Variants in SLC25A13 observed in about 807,000 individuals in gnomAD.
SLC25A13 encodes the protein electrogenic aspartate/glutamate antiporter SLC25A13, mitochondrial.
A neutral mutation model predicts 85.5 loss-of-function variants in SLC25A13; 70 were observed. The ratio of observed to expected loss-of-function variants is 0.82; its 90% CI spans 0.68 to 1.00. SLC25A13 has a LOEUF of 1.00. Ranked by LOEUF, SLC25A13 falls within the 50% of genes least tolerant of loss-of-function variation. The pLI, the probability that SLC25A13 is intolerant of heterozygous loss-of-function variation, is 0.00. For missense variants in SLC25A13, 765 were observed against 819.8 expected (o/e 0.93, Z 0.82); for synonymous variants, 259 against 288.7 (o/e 0.90, Z 1.04).
intron 13 of SLC25A13, among the ~76,000 whole-genome samples, chr7:96,168,642 T>C (rs1351831563): frequency 1.3e-5 from 2 of 152,228 alleles, no homozygotes; most frequent in Admixed American, 6.5e-5. Flanking sequence ...GCCATGATGA[T>C]TGCCAACATC....
In SLC25A13 at chr7:96,191,226, G is replaced by A; in HGVS notation, c.637C>T (p.His213Tyr). ...LVAAAGGTTSHQVSFSYFNGF... is the reference protein window; with the variant it reads ...LVAAAGGTTSYQVSFSYFNGF... ...TTAAAATAGGAGAAACTAACTTGAT[G>A]GGATGTGGTACCTCCAGCAGCCTCA... Residue 213 changes from histidine (H) to tyrosine (Y), a missense_variant, in exon 7 of 18, where the codon CAT becomes TAT. Coordinates refer to ENST00000265631, the MANE Select transcript of SLC25A13 (RefSeq NM_014251.3). The A allele has an allele frequency of 2.5e-6, 4 of 1,613,926 alleles. No homozygotes were observed. Among genetic ancestry groups the A allele is most frequent in the Non-Finnish European group, 3.4e-6 (4 of 1,179,960 alleles).
chr7:96,271,241 C>T (rs550218459), intron 3 of SLC25A13, among the ~76,000 whole-genome samples: 1 of 152,244 alleles, frequency 6.6e-6, no homozygotes, highest in African/African-American at 2.4e-5. Context: ...GTACACTTAA[C>T]TAAATTTAGT....
chr7:96,278,105 C>T (rs1393968975), intron 2 of SLC25A13, among the ~76,000 whole-genome samples: 1 of 152,186 alleles, frequency 6.6e-6, no homozygotes, highest in African/African-American at 2.4e-5. Context: ...TACACTCCAG[C>T]CTGGATAAGA....
rs1794755283 is a variant in SLC25A13 at position 96,189,351 on chromosome 7, C to A, written c.876G>T (p.Arg292=). 1 of 1,614,162 alleles carries A rather than the reference C, an allele frequency of 6.2e-7. No individual in the cohort carries two copies. ...GAGTTCCCTCTTCCAGAGGAGCAAT[C>A]CGTTCAATGTCTGCTAAGGTCATAC... ...RGRMTLADIE[R]IAPLEEGTLP... Residue 292 remains arginine, a synonymous_variant, in exon 9 of 18, where the codon CGG becomes CGT. Coordinates refer to ENST00000265631, the MANE Select transcript of SLC25A13 (RefSeq NM_014251.3).
At position 96,234,820 on chromosome 7, in the gene SLC25A13, T is replaced by C; in HGVS notation, c.310A>G (p.Lys104Glu). The C allele has an allele frequency of 6.2e-7, 1 of 1,613,210 alleles. No individual in the cohort carries two copies. Among genetic ancestry groups the C allele is most frequent in the Non-Finnish European group, 8.5e-7 (1 of 1,179,784 alleles). ...VAFQLFDKAG[K>E]GEVTFEDVKQ... ...TTCTTACCAAAAGTTACTTCTCCTT[T>C]GCCAGCTTTGTCAAACAGCTGAAAG... Residue 104 changes from lysine to glutamate, a missense_variant, in exon 4 of 18, where the codon AAA becomes GAA. Coordinates refer to ENST00000265631, the MANE Select transcript of SLC25A13 (RefSeq NM_014251.3).
chr7:96,216,302 A>G (rs1006938695), intron 4 of SLC25A13, among the ~76,000 whole-genome samples: 2 of 152,206 alleles, frequency 1.3e-5, no homozygotes, highest in African/African-American at 4.8e-5. Flanking sequence ...TGTTGGTGGG[A>G]GTGTAAATTA....
rs574856683 is a variant in SLC25A13, at chr7:96,184,285, A to T, written c.1169T>A (p.Leu390Gln). 2 of 1,614,178 alleles carry T rather than the reference A, an allele frequency of 1.2e-6. No individual in the cohort carries two copies. The highest frequency in any genetic ancestry group is 2.2e-5 in the South Asian group (2 of 91,080). ...KVLRYEGFFG[L>Q]YRGLLPQLLG... ...GAGCATGTGGCACTAACCTCTATAC[A>T]GTCCAAAGAAGCCTTCATAGCGTAG... The change falls in exon 11 of 18, where the codon CTG (leucine) becomes CAG (glutamine). Residue 390 changes from leucine to glutamine, a missense_variant. Coordinates refer to ENST00000265631, the MANE Select transcript of SLC25A13 (RefSeq NM_014251.3).
chr7:96,167,639 AC>A (rs1374789153), intron 13 of SLC25A13, among the ~76,000 whole-genome samples: 2 of 152,234 alleles, frequency 1.3e-5, no homozygotes, highest in African/African-American at 4.8e-5. Flanking sequence ...GCTTGGATGA[AC>A]TAAGATGAGG....
At chr7:96,225,660 G>C (rs888170125) in intron 4 of SLC25A13, among the ~76,000 whole-genome samples, 1 of 151,904 alleles carries the variant, frequency 6.6e-6, no homozygotes, top group Non-Finnish European at 1.5e-5. Flanking sequence ...CTTCCAAAGT[G>C]GCCATCACTT....
In SLC25A13 at chr7:96,193,079, G is replaced by A. The variant is rs893477012; in HGVS notation, c.573C>T (p.Arg191=). Residue 191 remains arginine (R), a synonymous_variant, in exon 6 of 18, where the codon CGC becomes CGT. Transcript: ENST00000265631. ...CTACAAAAGGAGTCAAGACATGGGG[G>A]CGGATGGTGACCATGATGTCTCGGA... The part of the protein sequence containing the change: ...IDFRDIMVTI[R]PHVLTPFVEE... The A allele has an allele frequency of 1.9e-6, 3 of 1,613,936 alleles. No individual in the cohort carries two copies. Among genetic ancestry groups the A allele is most frequent in the African/African-American group, 2.7e-5 (2 of 74,900 alleles).
At chr7:96,132,363 T>C (rs1325544239) in intron 14 of SLC25A13, among the ~76,000 whole-genome samples, 4 of 152,158 alleles carry the variant, frequency 2.6e-5, no homozygotes, top group Non-Finnish European at 5.9e-5. Context: ...AGAAAGAAAT[T>C]ACACATACAT....
At chr7:96,199,618 C>A (rs898369224) in intron 5 of SLC25A13, among the ~76,000 whole-genome samples, 1 of 152,140 alleles carries the variant, frequency 6.6e-6, no homozygotes, top group Non-Finnish European at 1.5e-5. Flanking sequence ...CAGTTCCACT[C>A]AAGTACATGA....
chr7:96,234,976 T>C lies in SLC25A13; in HGVS notation c.213-59A>G, dbSNP rs932345896. ...GTAGCTTGTGGAAAACAGAAGCATA[T>C]ACAAACATACACTGAGGGAAAAAAT... On this transcript the variant is annotated intron_variant, in intron 3 of 17. Transcript: ENST00000265631. 9 of 1,230,032 alleles carry C rather than the reference T, an allele frequency of 7.3e-6. No individual in the cohort carries two copies. In the African/African-American group the frequency reaches 1.0e-4, roughly 14 times the overall value. 76.2% of individuals were successfully genotyped at this position (1,230,032 alleles called of 1,614,324 possible).
At chr7:96,159,647 C>G (rs1793425800) in intron 13 of SLC25A13, among the ~76,000 whole-genome samples, 1 of 152,172 alleles carries the variant, frequency 6.6e-6, no homozygotes, top group Non-Finnish European at 1.5e-5. Flanking sequence ...CTAAGTTAGA[C>G]TGTCTGACCA....
At chr7:96,162,961 G>T (rs939204208) in intron 13 of SLC25A13, among the ~76,000 whole-genome samples, 8 of 152,108 alleles carry the variant, frequency 5.3e-5, no homozygotes, top group Non-Finnish European at 1.2e-4. Flanking sequence ...AGAATGAATG[G>T]GTTCTAGGAT....
intron 11 of SLC25A13, among the ~76,000 whole-genome samples, chr7:96,175,185 G>A (rs1794172449): frequency 1.3e-5 from 2 of 152,176 alleles, no homozygotes; most frequent in South Asian, 4.1e-4. Flanking sequence ...TTTGCCCTGG[G>A]ACTTCAAGGG....
intron 14 of SLC25A13, among the ~76,000 whole-genome samples, chr7:96,134,560 A>G (rs1792182090): frequency 6.6e-6 from 1 of 151,954 alleles, no homozygotes; most frequent in Non-Finnish European, 1.5e-5. Context: ...GCACAGGAAG[A>G]GTAAAGGCAC....
intron 14 of SLC25A13, among the ~76,000 whole-genome samples, chr7:96,139,201 T>C (rs1043535826): frequency 6.6e-6 from 1 of 152,204 alleles, no homozygotes; most frequent in Non-Finnish European, 1.5e-5. Context: ...CAATGATTCA[T>C]CTGAAGCACA....
chr7:96,140,752 T>G (rs923717739), intron 14 of SLC25A13, among the ~76,000 whole-genome samples: 4 of 149,590 alleles, frequency 2.7e-5, no homozygotes, highest in Admixed American at 2.6e-4. Flanking sequence ...GCTTATCTTT[T>G]GTTTTTTTTT....
Sources: allele counts gnomAD v4.1 joint callset (sites outside exome capture counted in the v4.1 genomes callset), GRCh38; gene constraint gnomAD v4.1.1; transcripts MANE v1.5; gene names NCBI Gene and HGNC (gene_info 2026-07-23, HGNC 2026-07-21).